Variants in CLEC12B observed in about 807,000 individuals in gnomAD.
CLEC12B encodes C-type lectin domain family 12 member B.
A neutral mutation model predicts 36.1 loss-of-function variants in CLEC12B; 25 were observed. That is an observed-to-expected ratio of 0.69 (90% CI 0.50 to 0.97). The LOEUF is 0.97. Ranked by LOEUF, CLEC12B falls within the 50% of genes least tolerant of loss-of-function variation. The probability of loss-of-function intolerance (pLI) is 0.00; values close to 1 mark genes in which losing one functional copy is unlikely to be tolerated. For missense variants in CLEC12B, 325 were observed against 318.4 expected (o/e 1.02, Z -0.16); for synonymous variants, 110 against 108.5 (o/e 1.01, Z -0.09).
Position 10,010,703 on chromosome 12 carries a change from A to C in CLEC12B, c.-57A>C, listed in dbSNP as rs1039401241. 15 of 1,155,648 alleles carry C rather than the reference A, an allele frequency of 1.3e-5. No homozygotes were observed. In the Admixed American group the frequency reaches 2.8e-4, roughly 21 times the overall value. 71.6% of individuals were successfully genotyped at this position (1,155,648 alleles called of 1,614,324 possible). A position where few individuals can be genotyped will look rare whatever the true frequency, so the allele number is the denominator to read the frequency against. On this transcript the variant is annotated 5_prime_UTR_variant, in exon 1 of 6. Transcript: ENST00000338896. ...GCCTTGAAAAACACATGCTGTTCCC[A>C]GGCCTCAAGATATTGAAACATTAAT...
upstream of CLEC12B, among the ~76,000 whole-genome samples, chr12:10,006,501 A>G (rs1040053033): frequency 4.0e-5 from 6 of 151,162 alleles, no homozygotes; most frequent in African/African-American, 1.5e-4. Context: ...GAACTCTAGG[A>G]CACAACAACA....
At position 10,012,870 on chromosome 12, in the gene CLEC12B, A is replaced by G. The variant is rs476474; in HGVS notation, c.177A>G (p.Thr59=). ...LCLMLLIGLV[T]LGMMFLQISN... ...TGATGTTGCTGATTGGGCTGGTGAC[A>G]TTGGGGATGATGTGTAAGTATATCA... The change falls in exon 2 of 6, where the codon ACA becomes ACG. Residue 59 remains threonine (T), a synonymous_variant. Coordinates refer to ENST00000338896, the MANE Select transcript of CLEC12B (RefSeq NM_001129998.3). 0.91 allele frequency: 1,470,524 copies of G among 1,612,334 alleles called. 670,839 individuals carry two copies. The highest frequency in any genetic ancestry group is 0.97 in the East Asian group (43,427 of 44,862).
At chr12:10,017,421 T>C (rs1565582074) in intron 5 of CLEC12B, 1 of 985,388 alleles carries the variant, frequency 1.0e-6, no homozygotes. Flanking sequence ...ATCTAAGATG[T>C]GTCCCTTCTC....
intron 1 of CLEC12B, 64 bp from the exon 2 acceptor site, chr12:10,012,721 C>T (rs1824145961): frequency 7.5e-7 from 1 of 1,336,606 alleles, no homozygotes; most frequent in African/African-American, 1.5e-5. Flanking sequence ...GAGAAATAAA[C>T]AAACCAAAGT....
chr12:10,009,022 G>A (rs190430171), upstream of CLEC12B, among the ~76,000 whole-genome samples: 1 of 152,254 alleles, frequency 6.6e-6, no homozygotes, highest in African/African-American at 2.4e-5. Context: ...TCTGTAAAAC[G>A]CACCAATCAG....
chr12:10,015,342 A>C lies in CLEC12B; in HGVS notation c.500A>C (p.Asn167Thr). Residue 167 changes from asparagine to threonine, a missense_variant, in exon 4 of 6, where the codon AAC becomes ACC. Transcript: ENST00000338896. ...ACAAATGAGGAGAAAACCTGGGCTAACAGTAGAAAGGACTGCATAGACAAG... is the reference window on the plus strand; with the variant it reads ...ACAAATGAGGAGAAAACCTGGGCTACCAGTAGAAAGGACTGCATAGACAAG... ...FTTNEEKTWA[N>T]SRKDCIDKNS... is the part of the protein sequence containing the mutation. 1 of 1,613,564 alleles carries C rather than the reference A, an allele frequency of 6.2e-7. No homozygotes were observed. The highest frequency in any genetic ancestry group is 1.3e-5 in the African/African-American group (1 of 75,052).
At chr12:10,008,829 G>C (rs1260425712), upstream of CLEC12B, among the ~76,000 whole-genome samples, 1 of 152,134 alleles carries the variant, frequency 6.6e-6, no homozygotes, top group Non-Finnish European at 1.5e-5. Flanking sequence ...GAAGCTTTAA[G>C]GTATGTGAAA....
Position 10,014,602 on chromosome 12 carries a change from T to C in CLEC12B, c.270T>C (p.Asp90=). 1.2e-6 allele frequency: 2 copies of C among 1,613,850 alleles called. No individual in the cohort carries two copies. Among genetic ancestry groups the C allele is most frequent in the Non-Finnish European group, 1.7e-6 (2 of 1,179,768 alleles). Reference sequence around the variant, plus strand: ...AGAAAACCATCCAACAGCAGCAGGATAACTTATCCCAGCAACTGGGCAACT... The same window carrying C: ...AGAAAACCATCCAACAGCAGCAGGACAACTTATCCCAGCAACTGGGCAACT... ...QLQKTIQQQQ[D]NLSQQLGNSN... Residue 90 remains aspartate, a synonymous_variant, in exon 3 of 6, where the codon GAT becomes GAC. Coordinates refer to ENST00000338896, the MANE Select transcript of CLEC12B (RefSeq NM_001129998.3).
intron 5 of CLEC12B, chr12:10,017,233 T>A (rs1337095796): frequency 1.0e-6 from 1 of 985,194 alleles, no homozygotes; most frequent in African/African-American, 1.7e-5. Context: ...CTAATAATAA[T>A]GACAAAAAGC....
At chr12:10,015,956 C>CACACACACACCTAATACTACATTCAAA in intron 5 of CLEC12B, 1 of 1,339,558 alleles carries the variant, frequency 7.5e-7, no homozygotes, top group Non-Finnish European at 9.6e-7. Context: ...TTATTTAACA[C>CACACACACACCTAATACTACATTCAAA]ACACACACAC....
intron 5 of CLEC12B, chr12:10,016,572 AAATAT>A (rs776878229): frequency 3.6e-6 from 1 of 280,070 alleles, no homozygotes; most frequent in Non-Finnish European, 5.4e-6. Context: ...TTAATATTTT[AAATAT>A]AATAGTATTT....
intron 4 of CLEC12B, 48 bp from the exon 5 acceptor site, chr12:10,015,564 C>G (rs935600421): frequency 3.7e-6 from 6 of 1,610,074 alleles, no homozygotes. Context: ...ACTCTGCAAA[C>G]TGGAATGTGG....
chr12:10,011,281 G>GT (rs1865321691), intron 1 of CLEC12B, among the ~76,000 whole-genome samples: 1 of 152,178 alleles, frequency 6.6e-6, no homozygotes, highest in South Asian at 2.1e-4. Flanking sequence ...TGGAAGATGA[G>GT]TGAGTGGATT....
chr12:10,012,637 T>G, intron 1 of CLEC12B, 148 bp from the exon 2 acceptor site: 1 of 604,540 alleles, frequency 1.7e-6, no homozygotes, highest in Non-Finnish European at 2.9e-6. Context: ...TTGCACTTCA[T>G]ATTAGGTATT....
At chr12:10,014,384 T>C in intron 2 of CLEC12B, 139 bp from the exon 3 acceptor site, 1 of 580,868 alleles carries the variant, frequency 1.7e-6, no homozygotes, top group South Asian at 2.6e-5. Context: ...AGGCATCTGG[T>C]TTGTTTCTTT....
At chr12:10,017,814 T>C in intron 5 of CLEC12B, 1 of 939,928 alleles carries the variant, frequency 1.1e-6, no homozygotes, top group South Asian at 4.9e-5. Context: ...ATGAATACTA[T>C]TGTCAGAACC....
chr12:10,011,717 C>T (rs1401357315), intron 1 of CLEC12B, among the ~76,000 whole-genome samples: 1 of 152,174 alleles, frequency 6.6e-6, no homozygotes, highest in Non-Finnish European at 1.5e-5. Flanking sequence ...ATCTGAACTA[C>T]TTTCTCCTGC....
upstream of CLEC12B, among the ~76,000 whole-genome samples, chr12:10,006,483 C>G (rs1865227925): frequency 6.8e-6 from 1 of 146,412 alleles, no homozygotes. Context: ...TTAAGAAGAC[C>G]AAGAATTGAA....
At chr12:10,012,746 G>A in intron 1 of CLEC12B, 39 bp from the exon 2 acceptor site, 1 of 1,493,516 alleles carries the variant, frequency 6.7e-7, no homozygotes, top group East Asian at 2.3e-5. Flanking sequence ...CAAGCACAAA[G>A]CAGTTCTGTG....
Sources: gnomAD v4.1 joint callset for allele counts (sites outside exome capture counted in the v4.1 genomes callset) on GRCh38, gnomAD v4.1.1 for gene constraint, MANE v1.5 for transcripts, NCBI Gene and HGNC (gene_info 2026-07-23, HGNC 2026-07-21) for gene names.